The following MAP2 variants were observed in gnomAD, a reference collection of about 807,000 sequenced individuals.
MAP2 encodes the protein microtubule associated protein 2, also known as microtubule-associated protein 2.
MAP2 carries 14 observed loss-of-function variants against 137.6 expected under a neutral mutation model. That is an observed-to-expected ratio of 0.10 (90% CI 0.07 to 0.16). The LOEUF (loss-of-function observed/expected upper bound fraction) is 0.16, where lower values mean the gene tolerates loss of function less well. Ranked by LOEUF, MAP2 falls within the 10% of genes least tolerant of loss-of-function variation. The probability of loss-of-function intolerance (pLI) is 1.00; values close to 1 mark genes in which losing one functional copy is unlikely to be tolerated. For synonymous variants in MAP2, 786 were observed against 782.3 expected, an observed-to-expected ratio of 1.00 and a Z score of -0.08; for missense variants, 2,088 against 2,191.5, an observed-to-expected ratio of 0.95 and a Z score of 0.94.
intron 3 of MAP2, among the ~76,000 whole-genome samples, chr2:209,581,755 G>A (rs2076464054): frequency 6.6e-6 from 1 of 152,074 alleles, no homozygotes; most frequent in South Asian, 2.1e-4. Flanking sequence ...TTATTTAACT[G>A]CTAAAAAATG....
intron 1 of MAP2, among the ~76,000 whole-genome samples, chr2:209,472,544 C>A (rs993780873): frequency 1.3e-5 from 2 of 152,136 alleles, no homozygotes; most frequent in African/African-American, 4.8e-5. Flanking sequence ...GTCTGCTATT[C>A]GTTTCCAGAA....
At chr2:209,649,086 T>C (rs2094604776) in intron 4 of MAP2, among the ~76,000 whole-genome samples, 1 of 152,064 alleles carries the variant, frequency 6.6e-6, no homozygotes, top group African/African-American at 2.4e-5. Context: ...CCAGGTTGAG[T>C]GCTGTGGCAT....
At chr2:209,587,030 T>C (rs1283106694) in intron 3 of MAP2, among the ~76,000 whole-genome samples, 2 of 152,202 alleles carry the variant, frequency 1.3e-5, no homozygotes, top group Non-Finnish European at 2.9e-5. Flanking sequence ...TTCCATTCTT[T>C]CTGCCCATTC....
chr2:209,598,709 G>T (rs1372877211), intron 3 of MAP2, among the ~76,000 whole-genome samples: 1 of 150,000 alleles, frequency 6.7e-6, no homozygotes, highest in Non-Finnish European at 1.5e-5. Context: ...TTGGTTTTTT[G>T]TTCTTGCAAT....
intron 14 of MAP2, among the ~76,000 whole-genome samples, chr2:209,727,784 CA>C (rs1315810982): frequency 6.6e-6 from 1 of 152,134 alleles, no homozygotes; most frequent in African/African-American, 2.4e-5. Context: ...CTTCGAAAAT[CA>C]AAGGCATGGA....
chr2:209,606,416 C>G (rs1259322448), intron 3 of MAP2, among the ~76,000 whole-genome samples: 1 of 152,060 alleles, frequency 6.6e-6, no homozygotes, highest in Non-Finnish European at 1.5e-5. Context: ...AATCCCACCA[C>G]TTTGGGTAGC....
At chr2:209,528,249 T>G (rs2064404003) in intron 2 of MAP2, among the ~76,000 whole-genome samples, 1 of 152,302 alleles carries the variant, frequency 6.6e-6, no homozygotes, top group East Asian at 1.9e-4. Flanking sequence ...GAACCTGTTG[T>G]AGGTGAGCCA....
intron 13 of MAP2, among the ~76,000 whole-genome samples, chr2:209,712,526 G>A (rs1210102457): frequency 6.6e-6 from 1 of 152,012 alleles, no homozygotes; most frequent in African/African-American, 2.4e-5. Context: ...AGAAGTAGGA[G>A]GTATTTCCTC....
intron 4 of MAP2, among the ~76,000 whole-genome samples, chr2:209,634,450 G>T (rs1412606693): frequency 6.6e-6 from 1 of 152,026 alleles, no homozygotes; most frequent in Admixed American, 6.6e-5. Context: ...TCCATGTGTG[G>T]CTTTGCTTTG....
Position 209,678,613 on chromosome 2 carries a change from G to C in MAP2, c.304G>C (p.Ala102Pro). Reference protein sequence around the residue: ...ARIVQVVTAEAVAVLKGEQEK... With the variant: ...ARIVQVVTAEPVAVLKGEQEK... ...GATAGTTCAAGTAGTCACTGCTGAG[G>C]CTGTAGCAGTCCTGAAAGGTGAACA... Residue 102 changes from alanine to proline, a missense_variant, in exon 6 of 16, where the codon GCT (alanine) becomes CCT (proline). Physicochemically the swap from Ala to Pro is conservative, Grantham distance 27. This residue lies in a region of MAP2 where 859 missense variants were observed against 794.5 expected (regional missense o/e 1.08). Transcript: ENST00000682079. 6.2e-7 allele frequency: 1 copy of C among 1,607,076 alleles called. No homozygotes were observed.
At chr2:209,467,744 A>G (rs1316863808) in intron 1 of MAP2, among the ~76,000 whole-genome samples, 1 of 152,202 alleles carries the variant, frequency 6.6e-6, no homozygotes, top group African/African-American at 2.4e-5. Flanking sequence ...GACTCTGCAG[A>G]CAGATTGCCA....
intron 1 of MAP2, among the ~76,000 whole-genome samples, chr2:209,440,463 C>T (rs555997874): frequency 4.0e-4 from 60 of 151,474 alleles, no homozygotes; most frequent in Middle Eastern, 3.4e-3. Flanking sequence ...CTTATTGAGT[C>T]CTTGAGAAAG....
chr2:209,638,864 A>G (rs1581653766), intron 4 of MAP2, among the ~76,000 whole-genome samples: 1 of 152,156 alleles, frequency 6.6e-6, no homozygotes, highest in Non-Finnish European at 1.5e-5. Context: ...AGCATTCCTG[A>G]TATAAACCTG....
intron 5 of MAP2, among the ~76,000 whole-genome samples, chr2:209,666,352 G>T (rs193033143): frequency 6.6e-6 from 1 of 152,046 alleles, no homozygotes; most frequent in Non-Finnish European, 1.5e-5. Flanking sequence ...GATTGAGTTT[G>T]ATGCAAATAT....
intron 3 of MAP2, among the ~76,000 whole-genome samples, chr2:209,597,630 C>T (rs989863688): frequency 2.0e-5 from 3 of 152,228 alleles, no homozygotes; most frequent in African/African-American, 7.2e-5. Flanking sequence ...ATAGCATTCA[C>T]CCTAAAGTGC....
At chr2:209,711,768 C>T (rs2153773478) in intron 13 of MAP2, among the ~76,000 whole-genome samples, 1 of 151,972 alleles carries the variant, frequency 6.6e-6, no homozygotes, top group East Asian at 1.9e-4. Context: ...CAATTTAGTA[C>T]CATTTGGAAA....
intron 1 of MAP2, among the ~76,000 whole-genome samples, chr2:209,477,372 T>C (rs1575719841): frequency 6.6e-6 from 1 of 152,036 alleles, no homozygotes; most frequent in African/African-American, 2.4e-5. Flanking sequence ...GAAGTCAAAC[T>C]GTAGTACATA....
intron 1 of MAP2, among the ~76,000 whole-genome samples, chr2:209,487,013 T>C (rs2149911736): frequency 6.6e-6 from 1 of 152,364 alleles, no homozygotes; most frequent in East Asian, 1.9e-4. Flanking sequence ...TCCATTAGAA[T>C]TCTGACCGTT....
At chr2:209,615,218 C>T (rs1196040236) in intron 3 of MAP2, among the ~76,000 whole-genome samples, 1 of 152,138 alleles carries the variant, frequency 6.6e-6, no homozygotes, top group East Asian at 1.9e-4. Context: ...CAGCCGAATG[C>T]CTCTTCAGTG....
Sources: allele counts gnomAD v4.1 joint callset (sites outside exome capture counted in the v4.1 genomes callset), GRCh38; gene constraint gnomAD v4.1.1; regional missense constraint gnomAD v4.1.1; transcripts MANE v1.5; gene names NCBI Gene and HGNC (gene_info 2026-07-23, HGNC 2026-07-21).